GPC6: variants seen among roughly 807,000 people sequenced by gnomAD.
GPC6 encodes the protein glypican-6.
A neutral mutation model predicts 55.2 loss-of-function variants in GPC6; 14 were observed. The observed-to-expected ratio is 0.25, with a 90% CI of 0.17 to 0.40. The LOEUF is 0.40. GPC6 is among the 10% of genes least tolerant of loss of function. The pLI is 1.00. For missense variants in GPC6, 641 were observed against 708.5 expected (o/e 0.90, Z 1.08); for synonymous variants, 278 against 259.6 (o/e 1.07, Z -0.68).
intron 6 of GPC6, among the ~76,000 whole-genome samples, chr13:94,337,331 A>T (rs1877760068): frequency 6.6e-6 from 1 of 152,146 alleles, no homozygotes. Flanking sequence ...TAAAAATATA[A>T]ATTTTATTTC....
At chr13:94,039,066 GA>G (rs1883439421) in intron 4 of GPC6, among the ~76,000 whole-genome samples, 2 of 151,912 alleles carry the variant, frequency 1.3e-5, no homozygotes, top group Admixed American at 6.6e-5. Flanking sequence ...ACCAGGGGGG[GA>G]AAAACAGTGG....
At chr13:93,938,764 T>G (rs1013161037) in intron 3 of GPC6, among the ~76,000 whole-genome samples, 1 of 152,150 alleles carries the variant, frequency 6.6e-6, no homozygotes, top group African/African-American at 2.4e-5. Context: ...TCAGGACTTA[T>G]GAAAAGGGAT....
intron 2 of GPC6, among the ~76,000 whole-genome samples, chr13:93,789,579 CTA>C (rs1469500863): frequency 8.5e-5 from 5 of 59,024 alleles, no homozygotes; most frequent in Admixed American, 1.8e-4. Context: ...TATATAAATA[CTA>C]TATATATATA....
chr13:93,836,114 C>A (rs1159722067), intron 3 of GPC6: 1 of 152,168 alleles, frequency 6.6e-6, no homozygotes, highest in Non-Finnish European at 1.5e-5. Context: ...GTGGTTCATT[C>A]CCAACTAAAC....
chr13:94,401,574 T>C (rs1233983258), intron 8 of GPC6, among the ~76,000 whole-genome samples: 2 of 152,164 alleles, frequency 1.3e-5, no homozygotes, highest in Non-Finnish European at 2.9e-5. Context: ...AAGGGCCGTA[T>C]ATTAAATATG....
chr13:94,172,745 C>T (rs940319005), intron 4 of GPC6, among the ~76,000 whole-genome samples: 6 of 152,168 alleles, frequency 3.9e-5, no homozygotes. Context: ...TATGTACACT[C>T]TTACATAAAT....
intron 4 of GPC6, among the ~76,000 whole-genome samples, chr13:94,104,375 C>T (rs1885977980): frequency 6.6e-6 from 1 of 152,112 alleles, no homozygotes; most frequent in Non-Finnish European, 1.5e-5. Flanking sequence ...ACTGAATGGG[C>T]AAAAACTGGA....
chr13:93,520,612 A>T, intron 1 of GPC6, among the ~76,000 whole-genome samples: 1 of 152,032 alleles, frequency 6.6e-6, no homozygotes, highest in Middle Eastern at 3.4e-3. Context: ...TAAAAATATA[A>T]TTAACATGTA....
At chr13:93,555,450 G>A (rs968739920) in intron 2 of GPC6, among the ~76,000 whole-genome samples, 15 of 152,234 alleles carry the variant, frequency 9.9e-5, no homozygotes, top group African/African-American at 3.1e-4. Context: ...GCACAGACCA[G>A]TTAAATGAAT....
At chr13:93,744,140 ATCT>A (rs1884304361) in intron 2 of GPC6, among the ~76,000 whole-genome samples, 1 of 152,080 alleles carries the variant, frequency 6.6e-6, no homozygotes, top group Admixed American at 6.5e-5. Flanking sequence ...CACTAGATAC[ATCT>A]TCTGTGGTTG....
chr13:94,372,599 T>G (rs1303884086), intron 6 of GPC6, among the ~76,000 whole-genome samples: 1 of 151,866 alleles, frequency 6.6e-6, no homozygotes, highest in South Asian at 2.1e-4. Flanking sequence ...AGCACAGCAG[T>G]CTGAGATCAA....
intron 1 of GPC6, among the ~76,000 whole-genome samples, chr13:93,529,732 G>A (rs190471512): frequency 7.2e-5 from 11 of 151,952 alleles, no homozygotes; most frequent in African/African-American, 2.4e-4. Context: ...GGCCAGGCTG[G>A]TCTCAAACTC....
chr13:94,158,026 C>T (rs1888016011), intron 4 of GPC6, among the ~76,000 whole-genome samples: 1 of 152,138 alleles, frequency 6.6e-6, no homozygotes, highest in Non-Finnish European at 1.5e-5. Flanking sequence ...ACCCATTCCC[C>T]ACTAACCTGC....
At chr13:93,582,976 A>C (rs1877008097) in intron 2 of GPC6, among the ~76,000 whole-genome samples, 1 of 152,220 alleles carries the variant, frequency 6.6e-6, no homozygotes, top group Non-Finnish European at 1.5e-5. Flanking sequence ...TTCCCCATAA[A>C]ACATGAGATA....
At chr13:93,257,556 C>T (rs1475234313) in intron 1 of GPC6, among the ~76,000 whole-genome samples, 1 of 152,120 alleles carries the variant, frequency 6.6e-6, no homozygotes, top group Non-Finnish European at 1.5e-5. Flanking sequence ...TCTGATAAAA[C>T]AGAACATTTA....
At chr13:93,268,922 T>C (rs1210758381) in intron 1 of GPC6, among the ~76,000 whole-genome samples, 1 of 152,170 alleles carries the variant, frequency 6.6e-6, no homozygotes, top group African/African-American at 2.4e-5. Flanking sequence ...TCAAGCCTCC[T>C]GTTCTCTAGG....
At chr13:94,126,811 G>A (rs905074542) in intron 4 of GPC6, among the ~76,000 whole-genome samples, 2 of 152,148 alleles carry the variant, frequency 1.3e-5, no homozygotes, top group African/African-American at 4.8e-5. Flanking sequence ...TGAGGTAATA[G>A]TATTCACAGT....
At chr13:93,602,263 A>G (rs80105859) in intron 2 of GPC6, among the ~76,000 whole-genome samples, 3,070 of 152,266 alleles carry the variant, frequency 0.02, 100 homozygotes, top group African/African-American at 0.07. Flanking sequence ...CATGGCTCTG[A>G]AGAACAATTT....
chr13:93,502,353 T>C (rs1880554036), intron 1 of GPC6, among the ~76,000 whole-genome samples: 1 of 152,042 alleles, frequency 6.6e-6, no homozygotes, highest in African/African-American at 2.4e-5. Flanking sequence ...CCCACATACT[T>C]TGTAAATAAC....
Sources: allele counts gnomAD v4.1 joint callset (sites outside exome capture counted in the v4.1 genomes callset), GRCh38; gene constraint gnomAD v4.1.1; transcripts MANE v1.5; gene names NCBI Gene and HGNC (gene_info 2026-07-23, HGNC 2026-07-21).